Variants in PIK3R1 observed in about 807,000 individuals in gnomAD.
The protein encoded by PIK3R1 is phosphatidylinositol 3-kinase regulatory subunit alpha.
In PIK3R1, 29 loss-of-function variants were observed where a neutral mutation model predicts 98.0. The ratio of observed to expected loss-of-function variants is 0.30; its 90% CI spans 0.22 to 0.40. The LOEUF (loss-of-function observed/expected upper bound fraction) is 0.40. Among genes scored for constraint, PIK3R1 ranks in the 10% least tolerant of loss-of-function variants. The pLI is 1.00. For missense variants in PIK3R1, 596 were observed against 872.7 expected (o/e 0.68, Z 3.99); for synonymous variants, 282 against 311.8 (o/e 0.90, Z 1.01).
At chr5:68,219,468 C>T (rs894641157) in intron 1 of PIK3R1, among the ~76,000 whole-genome samples, 4 of 152,204 alleles carry the variant, frequency 2.6e-5, no homozygotes, top group Admixed American at 2.0e-4. Context: ...AGTGTCCCAG[C>T]CTGGGGTTCT....
chr5:68,233,145 G>A (rs17839411), intron 2 of PIK3R1, among the ~76,000 whole-genome samples: 3,063 of 152,286 alleles, frequency 0.02, 87 homozygotes, highest in African/African-American at 0.065. Context: ...ACCCAAAAAG[G>A]GGAGAATTTT....
At chr5:68,287,639 CAAAT>C (rs1172364839) in intron 7 of PIK3R1, among the ~76,000 whole-genome samples, 2 of 152,180 alleles carry the variant, frequency 1.3e-5, no homozygotes, top group Non-Finnish European at 2.9e-5. Flanking sequence ...GCCACTTTCT[CAAAT>C]AAAGGGCAAA....
intron 2 of PIK3R1, among the ~76,000 whole-genome samples, chr5:68,271,943 A>G (rs1479754564): frequency 6.6e-6 from 1 of 152,132 alleles, no homozygotes; most frequent in Non-Finnish European, 1.5e-5. Flanking sequence ...TAGTACTTGA[A>G]ATACAGGCTT....
intron 2 of PIK3R1, among the ~76,000 whole-genome samples, chr5:68,238,446 AG>A (rs1235419408): frequency 6.6e-6 from 1 of 152,220 alleles, no homozygotes; most frequent in Non-Finnish European, 1.5e-5. Context: ...TTTCTGTTAT[AG>A]TATTTCCACT....
At chr5:68,256,354 C>T (rs1376175494) in intron 2 of PIK3R1, among the ~76,000 whole-genome samples, 9 of 152,150 alleles carry the variant, frequency 5.9e-5, no homozygotes, top group Non-Finnish European at 1.0e-4. Flanking sequence ...CTCAGCCTTC[C>T]GAGTAGCTGG....
At chr5:68,249,925 T>C (rs40318) in intron 2 of PIK3R1, among the ~76,000 whole-genome samples, 132,253 of 152,228 alleles carry the variant, frequency 0.87, 57,893 homozygotes, top group African/African-American at 0.97. Flanking sequence ...TCCCTGGCCA[T>C]CACTGTTCAC....
chr5:68,300,916 G>A lies in PIK3R1; in HGVS notation c.*3315G>A, dbSNP rs1748006372. ...TGACTTGCTTAGCTTGGAAATCCTTGTTTTCAGTGTGTCGAGTCAAAATGT... is the reference window on the plus strand; with the variant it reads ...TGACTTGCTTAGCTTGGAAATCCTTATTTTCAGTGTGTCGAGTCAAAATGT... On this transcript the variant is annotated 3_prime_UTR_variant, in exon 16 of 16. Transcript: ENST00000521381. 4.3e-6 allele frequency: 1 copy of A among 233,242 alleles called. No homozygotes were observed. The highest frequency in any genetic ancestry group is 2.2e-5 in the African/African-American group (1 of 45,318). The allele number at this position is 233,242 out of a possible 1,614,324, so 14.4% of individuals were successfully genotyped here.
At chr5:68,261,142 C>T (rs920987313) in intron 2 of PIK3R1, among the ~76,000 whole-genome samples, 1 of 152,180 alleles carries the variant, frequency 6.6e-6, no homozygotes, top group African/African-American at 2.4e-5. Context: ...ATTTTCAACA[C>T]ACAGTGGCTA....
Position 68,300,726 on chromosome 5 carries a change from G to A in PIK3R1, c.*3125G>A, listed in dbSNP as rs372795650. On this transcript the variant is annotated 3_prime_UTR_variant, in exon 16 of 16. Coordinates refer to ENST00000521381, the MANE Select transcript of PIK3R1 (RefSeq NM_181523.3). ...CAAGTACATAAAGTACATAACAAGC[G>A]AACGTCTAGTACAATTCTTACTTAT... The A allele has an allele frequency of 1.0e-4, 24 of 233,244 alleles. 1 individual carries two copies. The highest frequency in any genetic ancestry group is 4.4e-4 in the African/African-American group (20 of 45,466). 14.4% of individuals were successfully genotyped at this position (233,244 alleles called of 1,614,324 possible).
At chr5:68,284,072 A>C (rs181447840) in intron 7 of PIK3R1, among the ~76,000 whole-genome samples, 146 of 152,148 alleles carry the variant, frequency 9.6e-4, no homozygotes, top group Non-Finnish European at 1.6e-3. Flanking sequence ...TGGAATCTCA[A>C]CTCTCTCGAG....
chr5:68,239,675 G>A (rs1744799117), intron 2 of PIK3R1, among the ~76,000 whole-genome samples: 3 of 152,224 alleles, frequency 2.0e-5, no homozygotes, highest in Admixed American at 6.5e-5. Context: ...GCAATACAGC[G>A]AAAGGGGCGC....
At chr5:68,256,913 G>A (rs1394034630) in intron 2 of PIK3R1, among the ~76,000 whole-genome samples, 1 of 152,180 alleles carries the variant, frequency 6.6e-6, no homozygotes, top group Admixed American at 6.5e-5. Flanking sequence ...AAGTGGCGGG[G>A]ATGCAGTACA....
At chr5:68,294,883 C>T (rs1401379292) in intron 12 of PIK3R1, among the ~76,000 whole-genome samples, 4 of 151,668 alleles carry the variant, frequency 2.6e-5, no homozygotes, top group East Asian at 3.9e-4. Flanking sequence ...GTGGGTGCGG[C>T]GCACCAGCAT....
intron 11 of PIK3R1, 137 bp downstream of exon 11, chr5:68,293,971 A>T (rs1747546582): frequency 4.3e-6 from 3 of 696,464 alleles, no homozygotes; most frequent in Non-Finnish European, 2.4e-6. Context: ...ATCATTGTTG[A>T]TTATTCTAGT....
In PIK3R1 at chr5:68,293,814, G is replaced by T; in HGVS notation, c.1405G>T (p.Glu469Ter). Residue 469 changes from glutamate to a stop codon, truncating the protein, a stop_gained, in exon 11 of 16, where the codon GAA becomes TAA. Coordinates refer to ENST00000521381, the MANE Select transcript of PIK3R1 (RefSeq NM_181523.3). LOFTEE classifies it high-confidence loss of function. The part of the protein sequence containing the change: ...KSREYDRLYE[E>*]YTRTSQEIQM... ...TCGAGAATATGATAGATTATATGAA[G>T]AATATACCCGCACATCCCAGGTGAG... 6.3e-7 allele frequency: 1 copy of T among 1,576,758 alleles called. No individual in the cohort carries two copies. Among genetic ancestry groups the T allele is most frequent in the South Asian group, 1.2e-5 (1 of 84,216 alleles).
rs1748069691 is a variant in PIK3R1 at position 68,301,416 on chromosome 5, ATATATATATATATATATGTGTGTG to A, written c.*3831_*3854del. ...TGTATATATATATATATATATATATATATATATATATATATATGTGTGTGTATATATATATATATGTGTATATAT... is the reference window on the plus strand; with the variant it reads ...TGTATATATATATATATATATATATATATATATATATATATGTGTATATAT... On this transcript the variant is annotated 3_prime_UTR_variant, in exon 16 of 16. Coordinates refer to ENST00000521381, the MANE Select transcript of PIK3R1 (RefSeq NM_181523.3). 7.7e-5 allele frequency: 8 copies of A among 103,618 alleles called. No individual in the cohort carries two copies. The highest frequency in any genetic ancestry group is 2.0e-4 in the Admixed American group (2 of 9,862). The allele number at this position is 103,618 out of a possible 1,614,324, so 6.4% of individuals were successfully genotyped here.
intron 2 of PIK3R1, among the ~76,000 whole-genome samples, chr5:68,262,453 C>G (rs543075185): frequency 2.1e-5 from 3 of 142,006 alleles, no homozygotes; most frequent in Non-Finnish European, 4.6e-5. Flanking sequence ...ATGTAGAATA[C>G]ATATATATAT....
At chr5:68,259,363 G>T (rs540707031) in intron 2 of PIK3R1, among the ~76,000 whole-genome samples, 2 of 152,204 alleles carry the variant, frequency 1.3e-5, no homozygotes, top group African/African-American at 4.8e-5. Context: ...CTATTTACAG[G>T]GCACTGAAAG....
intron 2 of PIK3R1, among the ~76,000 whole-genome samples, chr5:68,251,278 TA>T (rs1022616525): frequency 9.3e-4 from 142 of 151,914 alleles, no homozygotes; most frequent in Middle Eastern, 3.4e-3. Context: ...GGAAACCTCT[TA>T]AAAAAAACAC....
Sources: gnomAD v4.1 joint callset for allele counts (sites outside exome capture counted in the v4.1 genomes callset) on GRCh38, gnomAD v4.1.1 for gene constraint, MANE v1.5 for transcripts, NCBI Gene and HGNC (gene_info 2026-07-23, HGNC 2026-07-21) for gene names.